GBP1: variants seen among roughly 807,000 people sequenced by gnomAD.
GBP1 encodes the protein guanylate-binding protein 1.
Under a neutral mutation model 69.5 loss-of-function variants are expected in GBP1, and 64 were observed. The ratio of observed to expected loss-of-function variants is 0.92; its 90% CI spans 0.75 to 1.13. The LOEUF (loss-of-function observed/expected upper bound fraction) is 1.13, where lower values mean the gene tolerates loss of function less well. GBP1 is among the 50% of genes most tolerant of loss of function. GBP1 has a pLI of 0.00. For missense variants in GBP1, 630 were observed against 704.1 expected, an observed-to-expected ratio of 0.89 and a Z score of 1.19; for synonymous variants, 250 against 261.2, an observed-to-expected ratio of 0.96 and a Z score of 0.41.
intron 8 of GBP1, chr1:89,055,602 A>G (rs1680023146): frequency 5.8e-6 from 2 of 343,396 alleles, no homozygotes; most frequent in Non-Finnish European, 1.1e-5. Flanking sequence ...AACTGTGGGG[A>G]TGGGGGAACA....
In GBP1 at chr1:89,053,221, G is replaced by A; in HGVS notation, c.*134C>T. On this transcript the variant is annotated 3_prime_UTR_variant, in exon 11 of 11. Transcript: ENST00000370473. ...AAGAAAAAACATGATTTTGATCATT[G>A]TACCACATGCCTTTATAAACTTTTG... The A allele has an allele frequency of 2.1e-6, 1 of 486,156 alleles. No homozygotes were observed. Among genetic ancestry groups the A allele is most frequent in the South Asian group, 3.9e-5 (1 of 25,864 alleles). The allele number at this position is 486,156 out of a possible 1,614,324, so 30.1% of individuals were successfully genotyped here.
chr1:89,055,451 T>A, intron 8 of GBP1: 1 of 491,042 alleles, frequency 2.0e-6, no homozygotes, highest in Non-Finnish European at 3.7e-6. Context: ...GGAGAGTCTC[T>A]GTCCTGTTTA....
chr1:89,063,011 AG>A (rs769160697), intron 2 of GBP1, 33 bp downstream of exon 2: 153 of 1,610,736 alleles, frequency 9.5e-5, no homozygotes, highest in Non-Finnish European at 1.3e-4. Context: ...GATGGACAGA[AG>A]GGACTTGGCA....
chr1:89,061,390 A>G (rs770048667), intron 2 of GBP1, among the ~76,000 whole-genome samples: 25 of 152,172 alleles, frequency 1.6e-4, no homozygotes, highest in Non-Finnish European at 3.1e-4. Flanking sequence ...GATTTCCAGT[A>G]TGGGTGTCAA....
rs1048411 is a variant in GBP1, at chr1:89,058,041, A to G, written c.825T>C (p.Ser275=). The G allele has an allele frequency of 6.2e-7, 1 of 1,614,066 alleles. No homozygotes were observed. The highest frequency in any genetic ancestry group is 8.5e-7 in the Non-Finnish European group (1 of 1,179,998). The change falls in exon 6 of 11, where the codon AGT becomes AGC. Residue 275 remains serine, a synonymous_variant. Coordinates refer to ENST00000370473, the MANE Select transcript of GBP1 (RefSeq NM_002053.3). ...QVADFCSYIF[S]NSKTKTLSGG... is the part of the protein sequence containing the mutation. ...CTGAAAGAGTTTTAGTTTTGGAATT[A>G]CTAAAGATGTAGGAACAGAAGTCTG...
At chr1:89,056,793 T>A (rs1436218331) in intron 7 of GBP1, 61 bp downstream of exon 7, 2 of 1,529,590 alleles carry the variant, frequency 1.3e-6, no homozygotes, top group East Asian at 4.5e-5. Context: ...AATAGTTTTC[T>A]TTCCTTGTGG....
intron 5 of GBP1, 111 bp downstream of exon 5, chr1:89,058,730 A>G (rs1680106524): frequency 9.4e-7 from 1 of 1,058,938 alleles, no homozygotes; most frequent in Non-Finnish European, 1.4e-6. Flanking sequence ...AGGAATAGCC[A>G]GCTGAAGACA....
In GBP1 at chr1:89,054,056, T is replaced by C. The variant is rs576187754; in HGVS notation, c.1666-588A>G. The stretch of plus-strand genomic sequence containing the variant: ...TCTTTTTGGAACCTTTGTTTCTTCT[T>C]CTAAGTAATAAGGATATAGTTCTTG... On this transcript the variant is annotated intron_variant, in intron 10 of 10. Transcript: ENST00000370473. 2.6e-5 allele frequency among the ~76,000 whole-genome samples: 4 copies of C among 152,344 alleles called. No individual in the cohort carries two copies. In the East Asian group the frequency reaches 7.7e-4, roughly 29 times the overall value.
At chr1:89,059,536 C>CT (rs34279176) in intron 3 of GBP1, 110 bp from the exon 4 acceptor site, 33,566 of 594,202 alleles carry the variant, frequency 0.056, 118 homozygotes, top group South Asian at 0.073. Context: ...TTTTTCTTTT[C>CT]TTTTTTTTTT....
chr1:89,053,536 T>A lies in GBP1; in HGVS notation c.1666-68A>T, dbSNP rs1679970539. On this transcript the variant is annotated intron_variant, in intron 10 of 10. Coordinates refer to ENST00000370473, the MANE Select transcript of GBP1 (RefSeq NM_002053.3). ...GCAAATTGAAACATTCTATCTGGTT[T>A]CCACATTAAATGATTTGTTATTTAA... 2.6e-6 allele frequency: 4 copies of A among 1,558,650 alleles called. No homozygotes were observed. The South Asian group carries it at 4.8e-5, about 19-fold the overall frequency.
rs569086940 is a variant in GBP1, at chr1:89,062,778, G to A, written c.190+267C>T. 4.4e-4 allele frequency: 175 copies of A among 394,392 alleles called. 1 individual carries two copies. Among genetic ancestry groups the A allele is most frequent in the African/African-American group, 3.4e-3 (170 of 50,428 alleles). 24.4% of individuals were successfully genotyped at this position (394,392 alleles called of 1,614,324 possible). On this transcript the variant is annotated intron_variant, in intron 2 of 10. Coordinates refer to ENST00000370473, the MANE Select transcript of GBP1 (RefSeq NM_002053.3). ...TATAGTTTATTATAGTTATTATTAT[G>A]TACATTAATTATTTTTATTACTGTC...
At chr1:89,061,650 G>A (rs1414960258) in intron 2 of GBP1, among the ~76,000 whole-genome samples, 1 of 152,038 alleles carries the variant, frequency 6.6e-6, no homozygotes, top group African/African-American at 2.4e-5. Flanking sequence ...AGAAAAAATA[G>A]ATTAGTGGGA....
At chr1:89,058,567 A>G in intron 5 of GBP1, 1 of 556,244 alleles carries the variant, frequency 1.8e-6, no homozygotes, top group Non-Finnish European at 3.2e-6. Context: ...TCTATGGCTA[A>G]GTAGAAGATC....
rs1680056995 is a variant in GBP1, at chr1:89,056,782, T to G, written c.1155+72A>C. On this transcript the variant is annotated intron_variant, in intron 7 of 10. Coordinates refer to ENST00000370473, the MANE Select transcript of GBP1 (RefSeq NM_002053.3). The stretch of plus-strand genomic sequence containing the variant: ...GAGGAATTACTTCCGTCAAAATAAA[T>G]AATAGTTTTCTTTCCTTGTGGTACT... 4 of 1,490,924 alleles carry G rather than the reference T, an allele frequency of 2.7e-6. No individual in the cohort carries two copies. The South Asian group carries it at 3.8e-5, about 14-fold the overall frequency. The allele number at this position is 1,490,924 out of a possible 1,614,324, so 92.4% of individuals were successfully genotyped here.
intron 9 of GBP1, 26 bp from the exon 10 acceptor site, chr1:89,054,901 A>C: frequency 6.2e-7 from 1 of 1,606,574 alleles, no homozygotes; most frequent in Non-Finnish European, 8.5e-7. Context: ...CAGAAGAAAA[A>C]TTTGTGTGGG....
Position 89,058,668 on chromosome 1 carries a change from G to A in GBP1, c.631+173C>T. On this transcript the variant is annotated intron_variant, in intron 5 of 10. Coordinates refer to ENST00000370473, the MANE Select transcript of GBP1 (RefSeq NM_002053.3). ...AACTTGTTCTAGAACAATGACAAAT[G>A]TAATTTAAAATAACATCTATTAATT... 7.3e-6 allele frequency: 5 copies of A among 686,562 alleles called. No homozygotes were observed. In the Admixed American group the frequency reaches 8.7e-5, roughly 12 times the overall value. The allele number at this position is 686,562 out of a possible 1,614,324, so 42.5% of individuals were successfully genotyped here.
chr1:89,064,199 A>ATG (rs759907157), intron 1 of GBP1, among the ~76,000 whole-genome samples: 2,263 of 100,474 alleles, frequency 0.023, 21 homozygotes, highest in East Asian at 0.054. Context: ...GGGGCTGGGA[A>ATG]TGTGTGTGTG....
intron 6 of GBP1, among the ~76,000 whole-genome samples, chr1:89,057,639 G>A (rs960203670): frequency 6.6e-6 from 1 of 152,208 alleles, no homozygotes; most frequent in Non-Finnish European, 1.5e-5. Flanking sequence ...TAGTCACTAA[G>A]TACGTGTAAA....
intron 2 of GBP1, among the ~76,000 whole-genome samples, chr1:89,061,461 T>C (rs1331644732): frequency 6.6e-6 from 1 of 152,104 alleles, no homozygotes; most frequent in African/African-American, 2.4e-5. Flanking sequence ...ATGATATATC[T>C]CCTTAAAAAG....
Sources: gnomAD v4.1 joint callset for allele counts (sites outside exome capture counted in the v4.1 genomes callset) on GRCh38, gnomAD v4.1.1 for gene constraint, MANE v1.5 for transcripts, NCBI Gene and HGNC (gene_info 2026-07-23, HGNC 2026-07-21) for gene names.